Variants in MBOAT1 observed in about 807,000 individuals in gnomAD.
MBOAT1 encodes membrane-bound glycerophospholipid O-acyltransferase 1.
Under a neutral mutation model 64.4 loss-of-function variants are expected in MBOAT1, and 67 were observed. That is an observed-to-expected ratio of 1.04 (90% CI 0.85 to 1.27). The LOEUF is 1.27. Among genes scored for constraint, MBOAT1 ranks in the 50% most tolerant of loss-of-function variants. The pLI, the probability that MBOAT1 is intolerant of heterozygous loss-of-function variation, is 0.00. For synonymous variants in MBOAT1, 229 were observed against 218.9 expected (o/e 1.05, Z -0.41); for missense variants, 563 against 604.6 (o/e 0.93, Z 0.72).
rs944255512 is a variant in MBOAT1 at position 20,190,183 on chromosome 6, T to C, written c.99+21953A>G. Among the ~76,000 whole-genome samples, 6 of 152,016 alleles carry C rather than the reference T, an allele frequency of 3.9e-5. No individual in the cohort carries two copies. In the East Asian group the frequency reaches 5.8e-4, roughly 15 times the overall value. Reference sequence around the variant, plus strand: ...CTAATTTTTGTATTTTTAGTAGAGATGGAGTTCCACTATGTTGGCCAGGCT... The same window carrying C: ...CTAATTTTTGTATTTTTAGTAGAGACGGAGTTCCACTATGTTGGCCAGGCT... On this transcript the variant is annotated intron_variant, in intron 1 of 12. Transcript: ENST00000324607.
At chr6:20,194,837 CTATT>C (rs1762908527) in intron 1 of MBOAT1, among the ~76,000 whole-genome samples, 1 of 152,124 alleles carries the variant, frequency 6.6e-6, no homozygotes, top group South Asian at 2.1e-4. Context: ...TCTATTTTCT[CTATT>C]TATTTGCCTA....
rs1307884154 is a variant in MBOAT1 at position 20,099,704 on chromosome 6, A to G, written c.*2582T>C. 6.6e-6 allele frequency among the ~76,000 whole-genome samples: 1 copy of G among 152,212 alleles called. No individual in the cohort carries two copies. Among genetic ancestry groups the G allele is most frequent in the Non-Finnish European group, 1.5e-5 (1 of 68,028 alleles). On this transcript the variant is annotated 3_prime_UTR_variant, in exon 13 of 13. Transcript: ENST00000324607. ...CAATATTTTAGATTTGGCTTTTTCA[A>G]AAACAAAACCAGAAAGTGTATTTAT...
chr6:20,129,577 G>A (rs775944799), intron 5 of MBOAT1, among the ~76,000 whole-genome samples: 5 of 149,670 alleles, frequency 3.3e-5, no homozygotes, highest in African/African-American at 7.3e-5. Flanking sequence ...AAAAAAAGGC[G>A]AGTAAACATT....
At chr6:20,141,598 C>T (rs768831264) in intron 4 of MBOAT1, among the ~76,000 whole-genome samples, 12 of 152,014 alleles carry the variant, frequency 7.9e-5, no homozygotes, top group Non-Finnish European at 1.5e-4. Flanking sequence ...TGGTCTCAAA[C>T]TCCTGAGCTC....
At chr6:20,174,502 T>G (rs999526638) in intron 1 of MBOAT1, among the ~76,000 whole-genome samples, 1 of 152,246 alleles carries the variant, frequency 6.6e-6, no homozygotes, top group African/African-American at 2.4e-5. Flanking sequence ...ATGGTACACC[T>G]GTCCAGGGCA....
At chr6:20,194,902 T>C (rs1762910482) in intron 1 of MBOAT1, among the ~76,000 whole-genome samples, 1 of 152,244 alleles carries the variant, frequency 6.6e-6, no homozygotes, top group East Asian at 1.9e-4. Flanking sequence ...TATTTTATAC[T>C]TTGAGTAATA....
chr6:20,195,999 G>T (rs1762945124), intron 1 of MBOAT1, among the ~76,000 whole-genome samples: 1 of 152,178 alleles, frequency 6.6e-6, no homozygotes, highest in South Asian at 2.1e-4. Flanking sequence ...TCTGAAGGGA[G>T]ACACCTCACA....
chr6:20,150,172 G>A lies in MBOAT1; in HGVS notation c.323+1013C>T, dbSNP rs1437353054. Among the ~76,000 whole-genome samples, 3 of 152,304 alleles carry A rather than the reference G, an allele frequency of 2.0e-5. No individual in the cohort carries two copies. In the East Asian group the frequency reaches 5.8e-4, roughly 29 times the overall value. ...TCTCAGTTGATTATCCAAGCATGCT[G>A]CCTCCAAGGTAGACTTAAACTACCT... On this transcript the variant is annotated intron_variant, in intron 3 of 12. Coordinates refer to ENST00000324607, the MANE Select transcript of MBOAT1 (RefSeq NM_001080480.3).
chr6:20,202,159 C>T (rs896219034), intron 1 of MBOAT1, among the ~76,000 whole-genome samples: 2 of 152,110 alleles, frequency 1.3e-5, no homozygotes, highest in African/African-American at 4.8e-5. Flanking sequence ...TTTGCTGACT[C>T]ATCTGTTTCA....
Position 20,101,318 on chromosome 6 carries a change from A to G in MBOAT1, c.*968T>C, listed in dbSNP as rs998686201. Among the ~76,000 whole-genome samples, 2 of 152,166 alleles carry G rather than the reference A, an allele frequency of 1.3e-5. No individual in the cohort carries two copies. The highest frequency in any genetic ancestry group is 2.9e-5 in the Non-Finnish European group (2 of 68,028). ...TGTACAGGAGACTTTCTGATTTCCA[A>G]TCTTGGCTCAGGTCAGAAGAAAAAG... is the stretch of plus-strand genomic sequence containing the variant. On this transcript the variant is annotated 3_prime_UTR_variant, in exon 13 of 13. Coordinates refer to ENST00000324607, the MANE Select transcript of MBOAT1 (RefSeq NM_001080480.3).
intron 6 of MBOAT1, 119 bp downstream of exon 6, chr6:20,128,580 T>C (rs1023314805): frequency 1.7e-5 from 12 of 705,280 alleles, no homozygotes; most frequent in Non-Finnish European, 2.7e-5. Context: ...AGCAGATTCA[T>C]AAAATAAATG....
intron 1 of MBOAT1, 33 bp from the exon 2 acceptor site, chr6:20,152,802 G>C (rs762090284): frequency 1.4e-5 from 22 of 1,580,670 alleles, no homozygotes; most frequent in Non-Finnish European, 1.7e-5. Context: ...AAAAACCTTT[G>C]TGTGAATTTC....
chr6:20,199,509 C>A (rs543179369), intron 1 of MBOAT1, among the ~76,000 whole-genome samples: 2 of 152,254 alleles, frequency 1.3e-5, no homozygotes, highest in Admixed American at 6.5e-5. Flanking sequence ...CAAAAACAAA[C>A]AAACAAACAA....
intron 9 of MBOAT1, 126 bp from the exon 10 acceptor site, chr6:20,115,478 G>T: frequency 1.4e-6 from 1 of 727,830 alleles, no homozygotes; most frequent in Non-Finnish European, 2.4e-6. Context: ...ACAGTTGAGA[G>T]CAAGTCAGCT....
At position 20,124,459 on chromosome 6, in the gene MBOAT1, A is replaced by G. The variant is rs767007684; in HGVS notation, c.856T>C (p.Tyr286His). The change falls in exon 8 of 13, where the codon TAT becomes CAT. Residue 286 changes from tyrosine (Y) to histidine (H), a missense_variant. Tyr to His is a moderately conservative substitution (Grantham distance 83). Coordinates refer to ENST00000324607, the MANE Select transcript of MBOAT1 (RefSeq NM_001080480.3). ...GGCTTTGAGGCTTGCATGACAACAT[A>G]TAAGTAGCAGAGTCGAGCCGGAAAG... ...ASFPARLCYLYVVMQASKPKY... is the reference protein window; with the variant it reads ...ASFPARLCYLHVVMQASKPKY... 3.7e-6 allele frequency: 6 copies of G among 1,614,212 alleles called. No individual in the cohort carries two copies. The highest frequency in any genetic ancestry group is 3.3e-5 in the South Asian group (3 of 91,088).
chr6:20,106,063 A>C (rs1423348320), intron 12 of MBOAT1, among the ~76,000 whole-genome samples: 1 of 152,220 alleles, frequency 6.6e-6, no homozygotes, highest in African/African-American at 2.4e-5. Flanking sequence ...ATGAGGATCT[A>C]CTGAGAAAAG....
intron 1 of MBOAT1, among the ~76,000 whole-genome samples, chr6:20,189,714 C>T (rs1762751480): frequency 6.6e-6 from 1 of 151,700 alleles, no homozygotes; most frequent in Admixed American, 6.5e-5. Context: ...CTCCTGGTAA[C>T]CATCACTCTA....
At chr6:20,173,873 C>T (rs1581443958) in intron 1 of MBOAT1, among the ~76,000 whole-genome samples, 1 of 152,152 alleles carries the variant, frequency 6.6e-6, no homozygotes, top group Non-Finnish European at 1.5e-5. Context: ...ATTGCTTGAA[C>T]CAGGGAGGTA....
At chr6:20,168,501 G>C (rs1762075578) in intron 1 of MBOAT1, among the ~76,000 whole-genome samples, 2 of 66,720 alleles carry the variant, frequency 3.0e-5, no homozygotes, top group African/African-American at 1.3e-4. Flanking sequence ...CAGAGAGAGA[G>C]AGAGAGGAGA....
Sources: allele counts gnomAD v4.1 joint callset (sites outside exome capture counted in the v4.1 genomes callset), GRCh38; gene constraint gnomAD v4.1.1; transcripts MANE v1.5; gene names NCBI Gene and HGNC (gene_info 2026-07-23, HGNC 2026-07-21).